THSD7B: variants seen among roughly 807,000 people sequenced by gnomAD.
THSD7B encodes thrombospondin type 1 domain containing 7B.
In THSD7B, 138 loss-of-function variants were observed where a neutral mutation model predicts 213.6. The ratio of observed to expected loss-of-function variants is 0.65; its 90% CI spans 0.56 to 0.74. THSD7B has a LOEUF of 0.74. Ranked by LOEUF, THSD7B falls within the 30% of genes least tolerant of loss-of-function variation. The pLI is 0.00. For synonymous variants in THSD7B, 742 were observed against 687.0 expected, an observed-to-expected ratio of 1.08 and a Z score of -1.25; for missense variants, 1,931 against 1,991.5, an observed-to-expected ratio of 0.97 and a Z score of 0.58.
chr2:137,188,291 C>T (rs1268727975), intron 7 of THSD7B, among the ~76,000 whole-genome samples: 1 of 152,158 alleles, frequency 6.6e-6, no homozygotes, highest in African/African-American at 2.4e-5. Context: ...TCTCTATTTA[C>T]CAGCAAATGG....
intron 12 of THSD7B, among the ~76,000 whole-genome samples, chr2:137,372,488 A>C (rs1434250224): frequency 2.0e-5 from 3 of 151,828 alleles, no homozygotes; most frequent in Non-Finnish European, 4.4e-5. Flanking sequence ...GACAAAAGTT[A>C]CAGGCAAAGG....
chr2:137,070,960 C>T lies in THSD7B; in HGVS notation c.950+13730C>T, dbSNP rs558028240. 1.8e-4 allele frequency among the ~76,000 whole-genome samples: 28 copies of T among 152,192 alleles called. No homozygotes were observed. The Middle Eastern group carries it at 0.01, about 55-fold the overall frequency. Reference sequence around the variant, plus strand: ...GCCACATTTTCTTAATCCAATCTGTCGTTGTTGGACATTTAGGTTAGCTCC... The same window carrying T: ...GCCACATTTTCTTAATCCAATCTGTTGTTGTTGGACATTTAGGTTAGCTCC... On this transcript the variant is annotated intron_variant, in intron 3 of 27. Transcript: ENST00000409968.
chr2:137,561,865 C>A (rs1292413996), intron 15 of THSD7B, among the ~76,000 whole-genome samples: 1 of 152,140 alleles, frequency 6.6e-6, no homozygotes, highest in Non-Finnish European at 1.5e-5. Flanking sequence ...TTTCCACACA[C>A]CCATTTCCAC....
At chr2:137,299,055 G>A (rs890464630) in intron 12 of THSD7B, among the ~76,000 whole-genome samples, 1 of 152,050 alleles carries the variant, frequency 6.6e-6, no homozygotes, top group Admixed American at 6.6e-5. Context: ...CTGCATGAAG[G>A]CAGCCAGAAG....
At chr2:137,422,673 A>G (rs57236222) in intron 14 of THSD7B, among the ~76,000 whole-genome samples, 3,557 of 152,328 alleles carry the variant, frequency 0.023, 147 homozygotes, top group African/African-American at 0.081. Context: ...ATAGTCTAAT[A>G]AAAGACTGTA....
intron 15 of THSD7B, among the ~76,000 whole-genome samples, chr2:137,480,120 T>C (rs990157829): frequency 1.3e-5 from 2 of 152,164 alleles, no homozygotes; most frequent in African/African-American, 4.8e-5. Context: ...TTCTGTCATT[T>C]CTCTCTTGAA....
intron 26 of THSD7B, among the ~76,000 whole-genome samples, chr2:137,664,148 C>T (rs530353504): frequency 2.7e-4 from 41 of 152,214 alleles, no homozygotes; most frequent in South Asian, 1.2e-3. Flanking sequence ...CCACTGCACC[C>T]GGCCTGAAAA....
At chr2:137,439,985 G>C (rs940266600) in intron 14 of THSD7B, among the ~76,000 whole-genome samples, 2 of 152,050 alleles carry the variant, frequency 1.3e-5, no homozygotes, top group African/African-American at 4.8e-5. Context: ...GAGTTCTTTG[G>C]AGGAGCTAGG....
At chr2:136,892,860 G>A (rs1388918926) in intron 2 of THSD7B, among the ~76,000 whole-genome samples, 1 of 152,062 alleles carries the variant, frequency 6.6e-6, no homozygotes, top group Non-Finnish European at 1.5e-5. Context: ...ATACTCTTCT[G>A]TAGGCCCCTA....
chr2:137,612,135 A>G (rs937753975), intron 17 of THSD7B, among the ~76,000 whole-genome samples: 1 of 152,204 alleles, frequency 6.6e-6, no homozygotes, highest in African/African-American at 2.4e-5. Flanking sequence ...TTGAAACATA[A>G]AAATTTGAAA....
At chr2:137,581,221 T>G (rs556100977) in intron 17 of THSD7B, among the ~76,000 whole-genome samples, 2 of 152,344 alleles carry the variant, frequency 1.3e-5, no homozygotes, top group African/African-American at 4.8e-5. Flanking sequence ...ATTTTTAGAA[T>G]TTGTCATTTA....
intron 3 of THSD7B, among the ~76,000 whole-genome samples, chr2:137,064,147 T>G (rs1687332587): frequency 6.6e-6 from 1 of 152,040 alleles, no homozygotes; most frequent in South Asian, 2.1e-4. Flanking sequence ...TTCCCTTTTT[T>G]CCACATCCTC....
At chr2:137,301,310 T>C (rs1683595739) in intron 12 of THSD7B, among the ~76,000 whole-genome samples, 1 of 152,156 alleles carries the variant, frequency 6.6e-6, no homozygotes, top group African/African-American at 2.4e-5. Flanking sequence ...GATTGTTTCA[T>C]TATTCCATCA....
At chr2:137,070,364 T>G (rs1168369018) in intron 3 of THSD7B, among the ~76,000 whole-genome samples, 1 of 151,764 alleles carries the variant, frequency 6.6e-6, no homozygotes, top group Non-Finnish European at 1.5e-5. Context: ...CACTTGGACA[T>G]TTAGGTAGTT....
chr2:136,773,687 A>G (rs1681550029), intron 1 of THSD7B, among the ~76,000 whole-genome samples: 1 of 151,480 alleles, frequency 6.6e-6, no homozygotes, highest in Admixed American at 6.6e-5. Context: ...GGTGGCCACC[A>G]TATTGAACAT....
At chr2:137,422,532 G>C (rs1686952366) in intron 14 of THSD7B, among the ~76,000 whole-genome samples, 1 of 152,100 alleles carries the variant, frequency 6.6e-6, no homozygotes, top group Non-Finnish European at 1.5e-5. Context: ...GATCCATTGG[G>C]AATAGCGGTT....
intron 15 of THSD7B, among the ~76,000 whole-genome samples, chr2:137,459,070 T>C (rs1389519582): frequency 6.6e-6 from 1 of 152,124 alleles, no homozygotes; most frequent in East Asian, 1.9e-4. Flanking sequence ...TGTGTCCTTT[T>C]TTCACCATAC....
intron 17 of THSD7B, among the ~76,000 whole-genome samples, chr2:137,577,000 C>T (rs539538108): frequency 2.0e-5 from 3 of 152,212 alleles, no homozygotes; most frequent in South Asian, 2.1e-4. Context: ...GTCTTTATCA[C>T]GCAGATGGCA....
chr2:137,166,755 G>T (rs551336462), intron 6 of THSD7B, among the ~76,000 whole-genome samples: 19 of 152,272 alleles, frequency 1.2e-4, no homozygotes, highest in African/African-American at 4.6e-4. Flanking sequence ...ATCCTTGTCT[G>T]CTAGATAGGC....
Sources: allele counts gnomAD v4.1 joint callset (sites outside exome capture counted in the v4.1 genomes callset), GRCh38; gene constraint gnomAD v4.1.1; transcripts MANE v1.5; gene names NCBI Gene and HGNC (gene_info 2026-07-23, HGNC 2026-07-21).